Variants in CTNNA2 observed in about 807,000 individuals in gnomAD.
The protein encoded by CTNNA2 is catenin alpha 2.
A neutral mutation model predicts 101.0 loss-of-function variants in CTNNA2; 42 were observed. The observed-to-expected ratio is 0.42, with a 90% confidence interval of 0.32 to 0.54. The LOEUF (loss-of-function observed/expected upper bound fraction) is 0.54, where lower values mean the gene tolerates loss of function less well. CTNNA2 is among the 20% of genes least tolerant of loss of function. The pLI, the probability that CTNNA2 is intolerant of heterozygous loss-of-function variation, is 0.14. For missense variants in CTNNA2, 871 were observed against 1,223.1 expected, an observed-to-expected ratio of 0.71 and a Z score of 4.29; for synonymous variants, 450 against 456.4, an observed-to-expected ratio of 0.99 and a Z score of 0.18.
chr2:79,187,514 C>T (rs1017984643), intron 1 of CTNNA2, among the ~76,000 whole-genome samples: 5 of 152,052 alleles, frequency 3.3e-5, no homozygotes, highest in Admixed American at 3.3e-4. Flanking sequence ...GACAGAAAAG[C>T]TATGACCCAA....
intron 7 of CTNNA2, among the ~76,000 whole-genome samples, chr2:79,935,191 C>T (rs1041500677): frequency 2.6e-5 from 4 of 152,128 alleles, no homozygotes; most frequent in Non-Finnish European, 4.4e-5. Flanking sequence ...TCTTTTGATT[C>T]TGCTGACAGC....
chr2:80,152,430 G>C (rs929508207), intron 7 of CTNNA2, among the ~76,000 whole-genome samples: 1 of 152,022 alleles, frequency 6.6e-6, no homozygotes, highest in African/African-American at 2.4e-5. Context: ...TTCAGAGCAG[G>C]GGTTGGTTCT....
At chr2:79,233,449 T>C (rs1164915817) in intron 2 of CTNNA2, among the ~76,000 whole-genome samples, 1 of 152,214 alleles carries the variant, frequency 6.6e-6, no homozygotes, top group Non-Finnish European at 1.5e-5. Context: ...TTAAAATGTA[T>C]TGAGACTTGC....
At chr2:80,305,299 G>A in intron 7 of CTNNA2, 1 of 985,416 alleles carries the variant, frequency 1.0e-6, no homozygotes, top group East Asian at 1.1e-4. Context: ...AGTCCCGGTG[G>A]TGTGAGATCC....
chr2:79,233,260 T>C (rs1248221569), intron 2 of CTNNA2, among the ~76,000 whole-genome samples: 1 of 152,220 alleles, frequency 6.6e-6, no homozygotes. Context: ...TGTGTCTCTA[T>C]ATTCATTAAT....
At chr2:79,541,889 T>G (rs542356110) in intron 1 of CTNNA2, among the ~76,000 whole-genome samples, 8 of 152,108 alleles carry the variant, frequency 5.3e-5, no homozygotes, top group Non-Finnish European at 1.2e-4. Context: ...CCTCCCAAAG[T>G]GTTGGGATTA....
At chr2:79,394,428 T>A (rs897624974) in intron 4 of CTNNA2, among the ~76,000 whole-genome samples, 1 of 152,220 alleles carries the variant, frequency 6.6e-6, no homozygotes, top group African/African-American at 2.4e-5. Context: ...CTGGCTAATG[T>A]TTATTGATTG....
chr2:79,249,217 T>A (rs1464821998), intron 2 of CTNNA2, among the ~76,000 whole-genome samples: 1 of 152,212 alleles, frequency 6.6e-6, no homozygotes, highest in Non-Finnish European at 1.5e-5. Context: ...TTATGCCTAA[T>A]AAATGTTAGC....
intron 2 of CTNNA2, among the ~76,000 whole-genome samples, chr2:79,653,722 T>C (rs1290634727): frequency 6.6e-6 from 1 of 152,184 alleles, no homozygotes; most frequent in Non-Finnish European, 1.5e-5. Flanking sequence ...TTCTTTTGGC[T>C]TAATAGTTAT....
intron 6 of CTNNA2, among the ~76,000 whole-genome samples, chr2:79,879,315 A>G (rs971051421): frequency 6.6e-6 from 1 of 151,904 alleles, no homozygotes; most frequent in Non-Finnish European, 1.5e-5. Flanking sequence ...CTTTAATTCC[A>G]TATGAAATTT....
At chr2:80,274,990 A>G (rs575371046) in intron 7 of CTNNA2, among the ~76,000 whole-genome samples, 5 of 152,338 alleles carry the variant, frequency 3.3e-5, no homozygotes, top group South Asian at 2.1e-4. Context: ...CAATTATAGC[A>G]TATAGAAGGT....
At chr2:79,935,655 C>T (rs1232223808) in intron 7 of CTNNA2, among the ~76,000 whole-genome samples, 4 of 152,204 alleles carry the variant, frequency 2.6e-5, no homozygotes, top group East Asian at 1.9e-4. Flanking sequence ...TGTAGTTATA[C>T]GAAGACTATA....
intron 4 of CTNNA2, among the ~76,000 whole-genome samples, chr2:79,858,517 C>A (rs964590201): frequency 3.3e-5 from 5 of 152,132 alleles, no homozygotes; most frequent in East Asian, 1.9e-4. Context: ...AGATTCGGAG[C>A]AATCTTGGTC....
intron 1 of CTNNA2, among the ~76,000 whole-genome samples, chr2:79,598,402 G>A (rs537686778): frequency 6.6e-6 from 1 of 152,282 alleles, no homozygotes; most frequent in African/African-American, 2.4e-5. Context: ...CTTCCAAAGT[G>A]GCTGTATGAT....
At chr2:80,415,300 G>A in intron 8 of CTNNA2, among the ~76,000 whole-genome samples, 1 of 152,102 alleles carries the variant, frequency 6.6e-6, no homozygotes, top group East Asian at 1.9e-4. Flanking sequence ...GCCCCTGGGA[G>A]TCTTTGATAG....
chr2:79,551,166 T>C (rs538720573), intron 1 of CTNNA2, among the ~76,000 whole-genome samples: 1 of 152,238 alleles, frequency 6.6e-6, no homozygotes, highest in East Asian at 1.9e-4. Context: ...TTTGGAAGCT[T>C]ATTTTGCCAA....
chr2:80,616,943 CATTTT>C (rs773943801), intron 17 of CTNNA2, among the ~76,000 whole-genome samples: 11 of 151,630 alleles, frequency 7.3e-5, no homozygotes, highest in South Asian at 2.1e-4. Flanking sequence ...TTCCTGAAGT[CATTTT>C]CCATTTCCAA....
rs551591890 is a variant in CTNNA2 at position 80,622,996 on chromosome 2, A to G, written c.2574+3768A>G. 1.4e-4 allele frequency among the ~76,000 whole-genome samples: 21 copies of G among 150,276 alleles called. No homozygotes were observed. The Admixed American group carries it at 1.4e-3, about 10-fold the overall frequency. On this transcript the variant is annotated intron_variant, in intron 18 of 18. Coordinates refer to ENST00000402739, the MANE Select transcript of CTNNA2 (RefSeq NM_001282597.3). ...AAATTTTTCTGTTTGGGGATGGTGA[A>G]GTAGTATGATCAAAGGTAGTTTAAC...
At chr2:79,764,265 C>G (rs555463440) in intron 3 of CTNNA2, among the ~76,000 whole-genome samples, 1 of 152,276 alleles carries the variant, frequency 6.6e-6, no homozygotes, top group Admixed American at 6.5e-5. Context: ...AAAGAATGTT[C>G]TCTTCCAAAT....
Sources: gnomAD v4.1 joint callset for allele counts (sites outside exome capture counted in the v4.1 genomes callset) on GRCh38, gnomAD v4.1.1 for gene constraint, MANE v1.5 for transcripts, NCBI Gene and HGNC (gene_info 2026-07-23, HGNC 2026-07-21) for gene names.